The following TXNDC12 variants were observed in gnomAD, a reference collection of about 807,000 sequenced individuals.
TXNDC12 encodes thioredoxin domain containing 12, also known as thioredoxin domain-containing protein 12.
TXNDC12 carries 22 observed loss-of-function variants against 24.2 expected under a neutral mutation model. That is an observed-to-expected ratio of 0.91 (90% CI 0.65 to 1.30). The LOEUF is 1.30. Ranked by LOEUF, TXNDC12 falls within the 50% of genes most tolerant of loss-of-function variation. The pLI, the probability that TXNDC12 is intolerant of heterozygous loss-of-function variation, is 0.00. For missense variants in TXNDC12, 184 were observed against 205.8 expected (o/e 0.89, Z 0.65); for synonymous variants, 58 against 73.4 (o/e 0.79, Z 1.07).
At chr1:52,043,422 C>G (rs1686032114) in intron 1 of TXNDC12, among the ~76,000 whole-genome samples, 1 of 152,102 alleles carries the variant, frequency 6.6e-6, no homozygotes, top group Non-Finnish European at 1.5e-5. Flanking sequence ...ATTTTATATC[C>G]AAAAATTATT....
intron 1 of TXNDC12, among the ~76,000 whole-genome samples, chr1:52,046,867 ATATATATAT>A (rs1222260652): frequency 3.5e-4 from 11 of 31,252 alleles, no homozygotes; most frequent in South Asian, 2.0e-3. Context: ...AAAAAAAAAA[ATATATATAT>A]ATATATATAT....
chr1:52,020,837 G>A lies in TXNDC12; in HGVS notation c.*96C>T. 1 of 1,030,124 alleles carries A rather than the reference G, an allele frequency of 9.7e-7. No homozygotes were observed. The highest frequency in any genetic ancestry group is 1.4e-5 in the South Asian group (1 of 69,818). 63.8% of individuals were successfully genotyped at this position (1,030,124 alleles called of 1,614,324 possible). ...GTGTAGGTAGGAATGAGGTTTCCTGGTCGGCTTAATTGTTCTAGATGATTC... is the reference window on the plus strand; with the variant it reads ...GTGTAGGTAGGAATGAGGTTTCCTGATCGGCTTAATTGTTCTAGATGATTC... On this transcript the variant is annotated 3_prime_UTR_variant, in exon 7 of 7. Transcript: ENST00000371626.
intron 1 of TXNDC12, among the ~76,000 whole-genome samples, chr1:52,042,859 T>TGATC (rs1433139906): frequency 6.6e-6 from 1 of 152,146 alleles, no homozygotes; most frequent in Admixed American, 6.5e-5. Context: ...CGACCTCAGG[T>TGATC]GATCTGCCCG....
intron 1 of TXNDC12, among the ~76,000 whole-genome samples, chr1:52,046,859 A>C (rs948418047): frequency 4.1e-5 from 2 of 48,906 alleles, no homozygotes; most frequent in Non-Finnish European, 7.7e-5. Context: ...CTACTAAAAA[A>C]AAAAAAAATA....
At chr1:52,038,880 TTTTC>T (rs1177159040) in intron 2 of TXNDC12, among the ~76,000 whole-genome samples, 1 of 140,556 alleles carries the variant, frequency 7.1e-6, no homozygotes, top group East Asian at 2.1e-4. Flanking sequence ...ACTTCATGAA[TTTTC>T]TTTTTTTTTT....
intron 2 of TXNDC12, chr1:52,032,045 G>T: frequency 1.3e-6 from 1 of 742,766 alleles, no homozygotes; most frequent in Non-Finnish European, 1.6e-6. Context: ...ACAATGACAA[G>T]TATACCTAAA....
intron 4 of TXNDC12, among the ~76,000 whole-genome samples, chr1:52,027,001 A>C (rs1416225619): frequency 6.6e-6 from 1 of 151,660 alleles, no homozygotes; most frequent in East Asian, 1.9e-4. Context: ...GCACCACTGC[A>C]CTCCAGCCTG....
chr1:52,043,622 AAT>A (rs571901281), intron 1 of TXNDC12, among the ~76,000 whole-genome samples: 149 of 152,358 alleles, frequency 9.8e-4, no homozygotes, highest in African/African-American at 3.4e-3. Context: ...TTAAATAAGA[AAT>A]ATATGCAAAA....
chr1:52,047,530 C>T (rs1686121179), intron 1 of TXNDC12, among the ~76,000 whole-genome samples: 1 of 152,068 alleles, frequency 6.6e-6, no homozygotes, highest in African/African-American at 2.4e-5. Context: ...AGCAAATAAA[C>T]CAGCAAACAT....
intron 2 of TXNDC12, chr1:52,030,546 A>G (rs1165890187): frequency 6.6e-6 from 1 of 152,212 alleles, no homozygotes; most frequent in African/African-American, 2.4e-5. Context: ...TCACACATGA[A>G]TCCTGTTTAT....
At chr1:52,051,628 C>CT (rs2124395922) in intron 1 of TXNDC12, among the ~76,000 whole-genome samples, 1 of 152,348 alleles carries the variant, frequency 6.6e-6, no homozygotes, top group South Asian at 2.1e-4. Context: ...ATTGACCTGC[C>CT]TCAGCCTCCC....
chr1:52,050,558 T>A (rs957291978), intron 1 of TXNDC12, among the ~76,000 whole-genome samples: 3 of 152,140 alleles, frequency 2.0e-5, no homozygotes, highest in Non-Finnish European at 4.4e-5. Context: ...ATCCACCCCC[T>A]CCTAGCTGAT....
In TXNDC12 at chr1:52,033,396, C is replaced by T. The variant is rs143842489; in HGVS notation, c.159-4766G>A. The T allele has an allele frequency of 2.3e-5, 37 of 1,612,300 alleles. No individual in the cohort carries two copies. In the African/African-American group the frequency reaches 4.7e-4, roughly 20 times the overall value. ...TGACGTTCCGGCCAGGGTTCTCGTT[C>T]GCGCCCGCCACCTGAGGTCCCGCGA... On this transcript the variant is annotated intron_variant, in intron 2 of 6. Transcript: ENST00000371626.
At chr1:52,032,522 T>A (rs1213877403) in intron 2 of TXNDC12, 4 of 1,381,050 alleles carry the variant, frequency 2.9e-6, no homozygotes, top group Non-Finnish European at 3.7e-6. Context: ...TCTGAACTTA[T>A]GCTGTAAACC....
At chr1:52,029,070 GTGAGCTGAGAC>G (rs1343810276) in intron 2 of TXNDC12, among the ~76,000 whole-genome samples, 2 of 152,214 alleles carry the variant, frequency 1.3e-5, no homozygotes, top group Non-Finnish European at 2.9e-5. Context: ...AGAGGTTGCA[GTGAGCTGAGAC>G]CGCACCACTA....
chr1:52,042,765 G>C (rs1026205425), intron 1 of TXNDC12, among the ~76,000 whole-genome samples: 2 of 152,174 alleles, frequency 1.3e-5, no homozygotes, highest in African/African-American at 4.8e-5. Context: ...TGGGATTACA[G>C]GCATGTGCCA....
chr1:52,045,765 ACTAT>A (rs1235635095), intron 1 of TXNDC12, among the ~76,000 whole-genome samples: 2 of 152,206 alleles, frequency 1.3e-5, no homozygotes, highest in Non-Finnish European at 2.9e-5. Flanking sequence ...ATTGTAACAA[ACTAT>A]CTTTCAAAAG....
At chr1:52,050,811 C>T (rs534447226) in intron 1 of TXNDC12, 1 of 166,218 alleles carries the variant, frequency 6.0e-6, no homozygotes, top group East Asian at 1.9e-4. Flanking sequence ...GGTAAACACA[C>T]TTCATATGTG....
chr1:52,043,761 G>A (rs1686037840), intron 1 of TXNDC12, among the ~76,000 whole-genome samples: 1 of 152,150 alleles, frequency 6.6e-6, no homozygotes, highest in Non-Finnish European at 1.5e-5. Flanking sequence ...ACTGCTAAAT[G>A]GCCAAGCTGA....
Sources: allele counts gnomAD v4.1 joint callset (sites outside exome capture counted in the v4.1 genomes callset), GRCh38; gene constraint gnomAD v4.1.1; transcripts MANE v1.5; gene names NCBI Gene and HGNC (gene_info 2026-07-23, HGNC 2026-07-21).